OCA2: variants seen among roughly 807,000 people sequenced by gnomAD.
OCA2 encodes OCA2 melanosomal transmembrane protein.
OCA2 carries 77 observed loss-of-function variants against 100.2 expected under a neutral mutation model. The observed-to-expected ratio is 0.77, with a 90% CI of 0.64 to 0.93. The LOEUF is 0.93. OCA2 is among the 40% of genes least tolerant of loss of function. The probability of loss-of-function intolerance (pLI) is 0.00; values close to 1 mark genes in which losing one functional copy is unlikely to be tolerated. For missense variants in OCA2, 1,062 were observed against 1,089.1 expected (o/e 0.98, Z 0.35); for synonymous variants, 432 against 439.2 (o/e 0.98, Z 0.21).
At chr15:27,899,770 G>A (rs537877965) in intron 19 of OCA2, among the ~76,000 whole-genome samples, 12 of 152,322 alleles carry the variant, frequency 7.9e-5, no homozygotes, top group Middle Eastern at 3.4e-3. Flanking sequence ...CAAAGTTGGG[G>A]TGCCACCCTA....
At chr15:28,019,550 C>T (rs1037222630) in intron 6 of OCA2, among the ~76,000 whole-genome samples, 24 of 152,076 alleles carry the variant, frequency 1.6e-4, no homozygotes, top group Non-Finnish European at 1.2e-4. Flanking sequence ...ACTGAGGTTC[C>T]GAAAGAAAGG....
chr15:27,749,841 A>G, the OCA2 span, among the ~76,000 whole-genome samples: 4 of 152,236 alleles, frequency 2.6e-5, no homozygotes, highest in Non-Finnish European at 4.4e-5. Flanking sequence ...AAAGAGACCT[A>G]AATAAATGGA....
chr15:27,845,669 C>T (rs1259191468), intron 22 of OCA2, among the ~76,000 whole-genome samples: 2 of 152,132 alleles, frequency 1.3e-5, no homozygotes, highest in East Asian at 1.9e-4. Flanking sequence ...CCCACACACA[C>T]TCACACCCAG....
intron 23 of OCA2, among the ~76,000 whole-genome samples, chr15:27,755,807 T>G (rs1374788820): frequency 6.6e-6 from 1 of 152,162 alleles, no homozygotes; most frequent in East Asian, 1.9e-4. Flanking sequence ...CTCTGGATGT[T>G]TCCTCTACTT....
chr15:27,785,606 G>A (rs898896816), intron 23 of OCA2, among the ~76,000 whole-genome samples: 4 of 152,182 alleles, frequency 2.6e-5, no homozygotes, highest in Non-Finnish European at 5.9e-5. Context: ...TATTGAAGAT[G>A]ATGTGGGAAA....
intron 2 of OCA2, among the ~76,000 whole-genome samples, chr15:28,057,227 T>G (rs1276739774): frequency 1.3e-5 from 2 of 152,248 alleles, no homozygotes; most frequent in Non-Finnish European, 2.9e-5. Context: ...AGCACCTTTT[T>G]GAAACTATCC....
At chr15:27,764,112 G>C (rs1369024491) in intron 23 of OCA2, among the ~76,000 whole-genome samples, 3 of 151,392 alleles carry the variant, frequency 2.0e-5, no homozygotes, top group African/African-American at 7.3e-5. Flanking sequence ...AGGGGAGAGA[G>C]ACAGAAGGAA....
chr15:27,889,594 A>T (rs2037372208), intron 19 of OCA2, among the ~76,000 whole-genome samples: 1 of 152,202 alleles, frequency 6.6e-6, no homozygotes, highest in South Asian at 2.1e-4. Flanking sequence ...AAAGTGTATC[A>T]GCCAGTGCCC....
chr15:28,037,334 G>T (rs2043074770), intron 2 of OCA2, among the ~76,000 whole-genome samples: 1 of 152,056 alleles, frequency 6.6e-6, no homozygotes, highest in Non-Finnish European at 1.5e-5. Context: ...GACCCCAGTG[G>T]TTGGTAACAT....
intron 2 of OCA2, among the ~76,000 whole-genome samples, chr15:28,068,765 C>T (rs983926282): frequency 6.6e-6 from 1 of 152,222 alleles, no homozygotes; most frequent in Non-Finnish European, 1.5e-5. Context: ...GGCTTTATTC[C>T]TGTGATGCAA....
chr15:28,084,039 G>C (rs963829036), intron 1 of OCA2, among the ~76,000 whole-genome samples: 11 of 152,208 alleles, frequency 7.2e-5, no homozygotes, highest in Non-Finnish European at 1.5e-5. Flanking sequence ...TGGGGTCTCA[G>C]GGAGGTGACT....
chr15:27,844,626 G>A (rs1287825984), intron 23 of OCA2, among the ~76,000 whole-genome samples: 1 of 152,110 alleles, frequency 6.6e-6, no homozygotes, highest in East Asian at 1.9e-4. Flanking sequence ...AGCCTCCTGA[G>A]TAGCTGGGAT....
chr15:27,740,006 A>G, the OCA2 span, among the ~76,000 whole-genome samples: 2 of 152,306 alleles, frequency 1.3e-5, no homozygotes, highest in Middle Eastern at 3.4e-3. Context: ...TTTAAGGTAC[A>G]TGTTTGACTA....
intron 18 of OCA2, among the ~76,000 whole-genome samples, chr15:27,928,109 A>G (rs1639414821): frequency 6.6e-6 from 1 of 152,016 alleles, no homozygotes; most frequent in Admixed American, 6.6e-5. Context: ...AGCATCTTTT[A>G]CTTACTTGAC....
chr15:27,821,401 C>T (rs2034495987), intron 23 of OCA2, among the ~76,000 whole-genome samples: 1 of 152,198 alleles, frequency 6.6e-6, no homozygotes, highest in Non-Finnish European at 1.5e-5. Context: ...CATTTACACC[C>T]ACATGGGCAC....
chr15:27,938,838 A>G (rs1477913797), intron 18 of OCA2, among the ~76,000 whole-genome samples: 1 of 152,196 alleles, frequency 6.6e-6, no homozygotes, highest in Non-Finnish European at 1.5e-5. Flanking sequence ...AGCACACTCA[A>G]GTATGGTCTC....
chr15:27,955,592 G>A (rs899714100), intron 16 of OCA2, among the ~76,000 whole-genome samples: 21 of 152,150 alleles, frequency 1.4e-4, no homozygotes, highest in African/African-American at 5.1e-4. Flanking sequence ...TTTCCAAAAT[G>A]AGGGCACTGA....
intron 2 of OCA2, among the ~76,000 whole-genome samples, chr15:28,045,873 C>G (rs1032218966): frequency 6.6e-6 from 1 of 152,172 alleles, no homozygotes; most frequent in Non-Finnish European, 1.5e-5. Context: ...CCTAAAATAT[C>G]CTGGTGATAT....
At chr15:27,744,136 A>G in the OCA2 span, among the ~76,000 whole-genome samples, 1 of 152,216 alleles carries the variant, frequency 6.6e-6, no homozygotes, top group Non-Finnish European at 1.5e-5. Context: ...AAAGACAGGC[A>G]GGCAACAAGG....
Sources: gnomAD v4.1 joint callset for allele counts (sites outside exome capture counted in the v4.1 genomes callset) on GRCh38, gnomAD v4.1.1 for gene constraint, MANE v1.5 for transcripts, NCBI Gene and HGNC (gene_info 2026-07-23, HGNC 2026-07-21) for gene names.